The following TANGO6 variants were observed in gnomAD, a reference collection of about 807,000 sequenced individuals.
TANGO6 encodes the protein transport and Golgi organization protein 6 homolog.
In TANGO6, 90 loss-of-function variants were observed where a neutral mutation model predicts 114.2. The observed-to-expected ratio is 0.79, with a 90% CI of 0.66 to 0.94. The LOEUF (loss-of-function observed/expected upper bound fraction) is 0.94. Among genes scored for constraint, TANGO6 ranks in the 40% least tolerant of loss-of-function variants. The pLI is 0.00. For synonymous variants in TANGO6, 477 were observed against 509.8 expected (o/e 0.94, Z 0.87); for missense variants, 1,274 against 1,315.3 (o/e 0.97, Z 0.49).
At chr16:69,054,959 A>C (rs1960011024) in intron 17 of TANGO6, among the ~76,000 whole-genome samples, 1 of 151,700 alleles carries the variant, frequency 6.6e-6, no homozygotes, top group Non-Finnish European at 1.5e-5. Context: ...AAAAAAAAAA[A>C]AAAAACTTCT....
chr16:68,906,347 C>T (rs1962849612), intron 9 of TANGO6, among the ~76,000 whole-genome samples: 1 of 152,030 alleles, frequency 6.6e-6, no homozygotes, highest in South Asian at 2.1e-4. Context: ...ACTGCATGTC[C>T]TCCCATGATG....
intron 1 of TANGO6, among the ~76,000 whole-genome samples, chr16:68,857,112 A>AAAAACT (rs1343129171): frequency 6.6e-6 from 1 of 151,740 alleles, no homozygotes; most frequent in African/African-American, 2.4e-5. Flanking sequence ...GTCTCAAATA[A>AAAAACT]AAAACAAAAA....
chr16:68,844,742 C>T (rs534882701), intron 1 of TANGO6, among the ~76,000 whole-genome samples: 1 of 152,104 alleles, frequency 6.6e-6, no homozygotes, highest in Non-Finnish European at 1.5e-5. Flanking sequence ...TCATTACGAT[C>T]CCCTGGGATC....
intron 17 of TANGO6, among the ~76,000 whole-genome samples, chr16:69,049,471 C>T (rs530620960): frequency 1.3e-5 from 2 of 151,366 alleles, no homozygotes; most frequent in Middle Eastern, 3.4e-3. Context: ...CGCTCTTGTC[C>T]CCCAAGCTGG....
At chr16:68,916,157 T>C (rs888760091) in intron 11 of TANGO6, among the ~76,000 whole-genome samples, 4 of 152,090 alleles carry the variant, frequency 2.6e-5, no homozygotes, top group Non-Finnish European at 4.4e-5. Context: ...TATTTAATAC[T>C]TAAAAAAAGA....
intron 1 of TANGO6, among the ~76,000 whole-genome samples, chr16:68,845,750 G>T (rs1961792999): frequency 1.3e-5 from 2 of 152,174 alleles, no homozygotes; most frequent in South Asian, 4.1e-4. Flanking sequence ...GAGATGGGAG[G>T]ATTGCTTGAG....
At chr16:69,053,773 C>T (rs932913094) in intron 17 of TANGO6, among the ~76,000 whole-genome samples, 5 of 152,034 alleles carry the variant, frequency 3.3e-5, no homozygotes, top group African/African-American at 4.8e-5. Flanking sequence ...AGAAAAGAAT[C>T]TTAGTCTCGG....
At chr16:68,936,116 T>C (rs1387994311) in intron 14 of TANGO6, among the ~76,000 whole-genome samples, 1 of 152,068 alleles carries the variant, frequency 6.6e-6, no homozygotes, top group East Asian at 1.9e-4. Flanking sequence ...CCCAGGAGGT[T>C]AAGGCTGCAG....
chr16:69,020,904 A>ATGTGTGTG (rs34350425), intron 15 of TANGO6, among the ~76,000 whole-genome samples: 1,196 of 87,280 alleles, frequency 0.014, 12 homozygotes, highest in Admixed American at 0.021. Context: ...ATATGTATGT[A>ATGTGTGTG]TGTGTGTGTG....
rs765076340 is a variant in TANGO6 at position 68,992,994 on chromosome 16, G to A, written c.2842+18826G>A. ...TGAGGCAGGAGAATCGCTTGAATCC[G>A]GAAGGCGTAGGTTGCAGTGAGCCAA... On this transcript the variant is annotated intron_variant, in intron 15 of 17. Coordinates refer to ENST00000261778, the MANE Select transcript of TANGO6 (RefSeq NM_024562.2). Among the ~76,000 whole-genome samples the A allele has an allele frequency of 8.5e-5, 13 of 152,128 alleles. No homozygotes were observed. In the South Asian group the frequency reaches 1.2e-3, roughly 15 times the overall value.
At chr16:69,046,547 C>G (rs996852959) in intron 17 of TANGO6, among the ~76,000 whole-genome samples, 42 of 152,120 alleles carry the variant, frequency 2.8e-4, no homozygotes, top group African/African-American at 9.6e-4. Flanking sequence ...AACTCCTGAC[C>G]TCAGGTGATC....
At chr16:68,972,134 CT>C (rs1224923663) in intron 14 of TANGO6, among the ~76,000 whole-genome samples, 2 of 151,840 alleles carry the variant, frequency 1.3e-5, no homozygotes, top group South Asian at 2.1e-4. Flanking sequence ...GACTGAAGTC[CT>C]AAGATGGACT....
chr16:68,879,618 TC>T (rs1446920688), intron 6 of TANGO6, among the ~76,000 whole-genome samples: 1 of 149,414 alleles, frequency 6.7e-6, no homozygotes, highest in Non-Finnish European at 1.5e-5. Context: ...CCATTTTCTT[TC>T]TTTTTTTTTT....
chr16:68,970,288 G>A (rs1367855059), intron 14 of TANGO6, among the ~76,000 whole-genome samples: 1 of 152,202 alleles, frequency 6.6e-6, no homozygotes. Flanking sequence ...CAGAGAGGAA[G>A]TCCAGAGCTC....
At chr16:69,041,812 G>T (rs192158377) in intron 17 of TANGO6, among the ~76,000 whole-genome samples, 34 of 152,308 alleles carry the variant, frequency 2.2e-4, no homozygotes, top group African/African-American at 6.7e-4. Flanking sequence ...AACAAGTAAG[G>T]ATTTTTCTCA....
intron 13 of TANGO6, among the ~76,000 whole-genome samples, chr16:68,929,995 C>T (rs1369855859): frequency 1.3e-5 from 2 of 152,176 alleles, no homozygotes; most frequent in African/African-American, 4.8e-5. Context: ...GTTCTTCCAT[C>T]GGTTTCCAGG....
rs1036065504 is a variant in TANGO6 at position 68,927,791 on chromosome 16, A to G, written c.2351A>G (p.His784Arg). Reference protein sequence around the residue: ...GKIEEQQQTSHERPTDVAHSH... With the variant: ...GKIEEQQQTSRERPTDVAHSH... ...ATAGAAGAGCAGCAACAAACCAGTCATGAAAGACCCACTGATGTAGCTCAT... is the reference window on the plus strand; with the variant it reads ...ATAGAAGAGCAGCAACAAACCAGTCGTGAAAGACCCACTGATGTAGCTCAT... The change falls in exon 13 of 18, where the codon CAT becomes CGT. Residue 784 changes from histidine (H) to arginine (R), a missense_variant. His to Arg is a conservative substitution (Grantham distance 29). This residue lies in a region of TANGO6 where 908 missense variants were observed against 910.2 expected (regional missense o/e 1.00). Coordinates refer to ENST00000261778, the MANE Select transcript of TANGO6 (RefSeq NM_024562.2). 1.5e-5 allele frequency: 25 copies of G among 1,613,940 alleles called. No homozygotes were observed. Among genetic ancestry groups the G allele is most frequent in the Non-Finnish European group, 1.9e-5 (23 of 1,179,914 alleles).
At chr16:69,039,125 C>T in intron 16 of TANGO6, among the ~76,000 whole-genome samples, 1 of 152,062 alleles carries the variant, frequency 6.6e-6, no homozygotes, top group Non-Finnish European at 1.5e-5. Flanking sequence ...GCGGAGCTTG[C>T]TGTGAGCCAA....
At chr16:68,873,977 T>C (rs371854045) in intron 4 of TANGO6, among the ~76,000 whole-genome samples, 1 of 152,232 alleles carries the variant, frequency 6.6e-6, no homozygotes, top group East Asian at 1.9e-4. Context: ...ATTCTAGTTG[T>C]TGCCCTGTGT....
Sources: gnomAD v4.1 joint callset for allele counts (sites outside exome capture counted in the v4.1 genomes callset) on GRCh38, gnomAD v4.1.1 for gene constraint, gnomAD v4.1.1 regional missense constraint, MANE v1.5 for transcripts, NCBI Gene and HGNC (gene_info 2026-07-23, HGNC 2026-07-21) for gene names.